The following ZYG11A variants were observed in gnomAD, a reference collection of about 807,000 sequenced individuals.
ZYG11A encodes protein zyg-11 homolog A.
Under a neutral mutation model 77.2 loss-of-function variants are expected in ZYG11A, and 62 were observed. That is an observed-to-expected ratio of 0.80 (90% CI 0.65 to 0.99). The LOEUF (loss-of-function observed/expected upper bound fraction) is 0.99, where lower values mean the gene tolerates loss of function less well. ZYG11A is among the 50% of genes least tolerant of loss of function. The pLI is 0.00. For missense variants in ZYG11A, 828 were observed against 896.8 expected (o/e 0.92, Z 0.98); for synonymous variants, 315 against 324.6 (o/e 0.97, Z 0.32).
intron 1 of ZYG11A, among the ~76,000 whole-genome samples, chr1:52,851,210 AT>A (rs1335147242): frequency 6.6e-6 from 1 of 150,984 alleles, no homozygotes; most frequent in African/African-American, 2.5e-5. Flanking sequence ...CATCTGGCTA[AT>A]TTTTTCGTAT....
chr1:52,861,021 C>A, intron 4 of ZYG11A, 150 bp downstream of exon 4: 1 of 755,678 alleles, frequency 1.3e-6, no homozygotes, highest in Non-Finnish European at 2.1e-6. Context: ...AGCTTAGCTG[C>A]CAAAGTGTCT....
At chr1:52,855,490 CAT>C (rs111855418) in intron 2 of ZYG11A, among the ~76,000 whole-genome samples, 2,818 of 152,180 alleles carry the variant, frequency 0.019, 56 homozygotes, top group African/African-American at 0.063. Flanking sequence ...GTGCCTGGCC[CAT>C]AATCAATTTT....
chr1:52,849,777 G>C (rs1448013187), intron 1 of ZYG11A, among the ~76,000 whole-genome samples: 1 of 151,774 alleles, frequency 6.6e-6, no homozygotes, highest in African/African-American at 2.4e-5. Flanking sequence ...CCACATCCCG[G>C]ATTCATGCCA....
rs181551690 is a variant in ZYG11A at position 52,870,126 on chromosome 1, C to T, written c.1542+2349C>T. 1.2e-4 allele frequency among the ~76,000 whole-genome samples: 17 copies of T among 146,796 alleles called. 1 individual carries two copies. In the East Asian group the frequency reaches 3.2e-3, roughly 28 times the overall value. ...CAGACGGGGCGGCGGGGCAGAGGCT[C>T]TCCCCACATCTCAGACGATGGGCAG... On this transcript the variant is annotated intron_variant, in intron 8 of 13. Transcript: ENST00000371528.
chr1:52,854,430 T>G (rs1207563357), intron 1 of ZYG11A, 35 bp from the exon 2 acceptor site: 2 of 1,513,300 alleles, frequency 1.3e-6, no homozygotes, highest in Non-Finnish European at 1.8e-6. Flanking sequence ...TGCAGATGTA[T>G]TCTAACAAAG....
At position 52,842,773 on chromosome 1, in the gene ZYG11A, G is replaced by T. The variant is rs1645469693; in HGVS notation, c.-111G>T. ...GCAGGGCGCGGCGCTAGCTCCGTGT[G>T]CCTCGCAGGCGTGGTGGGCGCGTCC... On this transcript the variant is annotated 5_prime_UTR_variant, in exon 1 of 14. Transcript: ENST00000371528. The T allele has an allele frequency of 3.9e-6, 4 of 1,027,258 alleles. No individual in the cohort carries two copies. The highest frequency in any genetic ancestry group is 5.6e-6 in the Non-Finnish European group (4 of 709,220). The allele number at this position is 1,027,258 out of a possible 1,614,324, so 63.6% of individuals were successfully genotyped here.
intron 11 of ZYG11A, among the ~76,000 whole-genome samples, chr1:52,885,394 C>T (rs1296181368): frequency 1.4e-5 from 2 of 144,924 alleles, no homozygotes; most frequent in Admixed American, 6.9e-5. Flanking sequence ...TTAGTAGAAA[C>T]GGGGTTTCAC....
At chr1:52,862,819 C>T (rs543673671) in intron 4 of ZYG11A, among the ~76,000 whole-genome samples, 2 of 152,224 alleles carry the variant, frequency 1.3e-5, no homozygotes, top group South Asian at 4.2e-4. Context: ...CACTCTGTTG[C>T]CCAGGCTGGA....
chr1:52,871,772 T>C (rs1357217387), intron 8 of ZYG11A, among the ~76,000 whole-genome samples: 2 of 152,244 alleles, frequency 1.3e-5, no homozygotes, highest in Non-Finnish European at 2.9e-5. Flanking sequence ...ATTTGTTGTT[T>C]CTGTGCAGAC....
chr1:52,886,916 C>T (rs1167637693), intron 12 of ZYG11A, 40 bp from the exon 13 acceptor site: 2 of 1,037,840 alleles, frequency 1.9e-6, no homozygotes, highest in African/African-American at 1.6e-5. Context: ...ACTGGCCTAA[C>T]TGTTCTGGAT....
At chr1:52,866,924 G>A (rs981941361) in intron 6 of ZYG11A, among the ~76,000 whole-genome samples, 5 of 152,028 alleles carry the variant, frequency 3.3e-5, no homozygotes, top group Admixed American at 2.0e-4. Context: ...CTATTATAAA[G>A]AATATTAGTA....
chr1:52,842,829 C>G lies in ZYG11A; in HGVS notation c.-55C>G. 1 of 1,498,354 alleles carries G rather than the reference C, an allele frequency of 6.7e-7. No homozygotes were observed. The highest frequency in any genetic ancestry group is 9.0e-7 in the Non-Finnish European group (1 of 1,114,372). 92.8% of individuals were successfully genotyped at this position (1,498,354 alleles called of 1,614,324 possible). A position where few individuals can be genotyped will look rare whatever the true frequency, so the allele number is the denominator to read the frequency against. ...GCCGCCCGCTTGGTTCTCGCGGGAT[C>G]CGGGCTCCGGCTCGACGCCGGCTCT... On this transcript the variant is annotated 5_prime_UTR_variant, in exon 1 of 14. In the 5' UTR this introduces an upstream ATG that the reference lacks. Transcript: ENST00000371528.
At chr1:52,845,723 A>T (rs747065794) in intron 1 of ZYG11A, among the ~76,000 whole-genome samples, 9 of 151,224 alleles carry the variant, frequency 6.0e-5, no homozygotes, top group Non-Finnish European at 1.2e-4. Context: ...TGATTTTTGC[A>T]GGGAGGAGAG....
Position 52,887,142 on chromosome 1 carries a change from G to T in ZYG11A, c.2104+89G>T, listed in dbSNP as rs1646467280. On this transcript the variant is annotated intron_variant, in intron 13 of 13. Coordinates refer to ENST00000371528, the MANE Select transcript of ZYG11A (RefSeq NM_001004339.3). ...AGTTCAAGATGGATGTGCAAAAATT[G>T]TCTACCTCTGTCCTCTGAATTTAGG... 3 of 584,464 alleles carry T rather than the reference G, an allele frequency of 5.1e-6. No individual in the cohort carries two copies. The East Asian group carries it at 9.6e-5, about 19-fold the overall frequency. The allele number at this position is 584,464 out of a possible 1,614,324, so 36.2% of individuals were successfully genotyped here.
intron 3 of ZYG11A, among the ~76,000 whole-genome samples, chr1:52,859,437 G>A (rs28437653): frequency 0.019 from 2,937 of 152,026 alleles, 95 homozygotes; most frequent in African/African-American, 0.067. Flanking sequence ...CCGGGTTCAC[G>A]CCATTCTCCT....
At chr1:52,860,374 A>G (rs1645904648) in intron 3 of ZYG11A, among the ~76,000 whole-genome samples, 1 of 151,928 alleles carries the variant, frequency 6.6e-6, no homozygotes, top group Non-Finnish European at 1.5e-5. Context: ...TGAATCCTGT[A>G]TATCTCTGCA....
intron 11 of ZYG11A, among the ~76,000 whole-genome samples, chr1:52,883,667 T>C (rs1646398784): frequency 6.6e-6 from 1 of 152,084 alleles, no homozygotes; most frequent in South Asian, 2.1e-4. Context: ...CCTCAAGGGA[T>C]CTGCCCACCT....
At chr1:52,861,339 G>T (rs1453882429) in intron 4 of ZYG11A, among the ~76,000 whole-genome samples, 1 of 152,148 alleles carries the variant, frequency 6.6e-6, no homozygotes, top group Non-Finnish European at 1.5e-5. Flanking sequence ...TTTTATACAT[G>T]TGTTTATTTG....
At chr1:52,870,853 A>T (rs77602855) in intron 8 of ZYG11A, among the ~76,000 whole-genome samples, 8,817 of 151,552 alleles carry the variant, frequency 0.058, 443 homozygotes, top group African/African-American at 0.13. Context: ...AGACAGTAGA[A>T]AGAGAGGGAG....
Sources: gnomAD v4.1 joint callset for allele counts (sites outside exome capture counted in the v4.1 genomes callset) on GRCh38, gnomAD v4.1.1 for gene constraint, MANE v1.5 for transcripts, NCBI Gene and HGNC (gene_info 2026-07-23, HGNC 2026-07-21) for gene names.